ANK3: variants seen among roughly 807,000 people sequenced by gnomAD.
ANK3 encodes ankyrin 3, also known as ankyrin-3.
A neutral mutation model predicts 370.9 loss-of-function variants in ANK3; 57 were observed. The ratio of observed to expected loss-of-function variants is 0.15; its 90% confidence interval spans 0.12 to 0.19. The LOEUF (loss-of-function observed/expected upper bound fraction) is 0.19, where lower values mean the gene tolerates loss of function less well. ANK3 is among the 10% of genes least tolerant of loss of function. The probability of loss-of-function intolerance (pLI) is 1.00; values close to 1 mark genes in which losing one functional copy is unlikely to be tolerated. For missense variants in ANK3, 4,439 were observed against 5,302.1 expected, an observed-to-expected ratio of 0.84 and a Z score of 5.06; for synonymous variants, 1,929 against 1,946.3, an observed-to-expected ratio of 0.99 and a Z score of 0.23.
chr10:60,122,458 C>G (rs2093539010), intron 25 of ANK3, among the ~76,000 whole-genome samples: 1 of 152,246 alleles, frequency 6.6e-6, no homozygotes, highest in Non-Finnish European at 1.5e-5. Flanking sequence ...CAGTCCTCGC[C>G]TGGCCTCCAT....
chr10:60,238,013 TA>T (rs1442052849), intron 7 of ANK3, among the ~76,000 whole-genome samples: 1 of 152,140 alleles, frequency 6.6e-6, no homozygotes, highest in Non-Finnish European at 1.5e-5. Context: ...GACGTTTGTT[TA>T]AAAACCCTAG....
At chr10:60,112,928 AT>A (rs1201208257) in intron 26 of ANK3, among the ~76,000 whole-genome samples, 14 of 152,232 alleles carry the variant, frequency 9.2e-5, no homozygotes, top group African/African-American at 3.4e-4. Flanking sequence ...CTAAATGCCA[AT>A]TTCAAAGGCA....
chr10:60,053,617 C>G lies in ANK3; in HGVS notation c.13065+2041G>C, dbSNP rs908087457. On this transcript the variant is annotated intron_variant, in intron 42 of 43. Transcript: ENST00000280772. ...AAACAAGGAAACCAAATGGAATTTTCTCAGTACTCTTTGCCATGGGTTGCT... is the reference window on the plus strand; with the variant it reads ...AAACAAGGAAACCAAATGGAATTTTGTCAGTACTCTTTGCCATGGGTTGCT... The G allele has an allele frequency of 5.6e-6, 7 of 1,239,448 alleles. No homozygotes were observed. In the East Asian group the frequency reaches 4.2e-4, roughly 74 times the overall value. The allele number at this position is 1,239,448 out of a possible 1,614,324, so 76.8% of individuals were successfully genotyped here.
intron 2 of ANK3, among the ~76,000 whole-genome samples, chr10:60,476,241 C>A (rs1210882000): frequency 2.0e-5 from 3 of 152,030 alleles, no homozygotes; most frequent in Non-Finnish European, 4.4e-5. Flanking sequence ...AAATCATGTT[C>A]ATAATGAAGG....
Position 60,573,361 on chromosome 10 carries a change from TACCAACCA to T in ANK3, c.96+41817_96+41824del, listed in dbSNP as rs200827585. Among the ~76,000 whole-genome samples, 864 of 152,160 alleles carry T rather than the reference TACCAACCA, an allele frequency of 5.7e-3. 4 individuals are homozygous for T. Among genetic ancestry groups the T allele is most frequent in the Middle Eastern group, 0.01 (3 of 292 alleles). The stretch of plus-strand genomic sequence containing the variant: ...AATCATTGGTTTCCTTCCATGAATA[TACCAACCA>T]ACCAACCAACCAACTAACAAGAAAC... On this transcript the variant is annotated intron_variant, in intron 2 of 43. Coordinates refer to the ANK3 transcript ENST00000373827.
intron 42 of ANK3, among the ~76,000 whole-genome samples, chr10:60,052,632 G>T (rs1016665757): frequency 6.6e-6 from 1 of 152,160 alleles, no homozygotes; most frequent in African/African-American, 2.4e-5. Flanking sequence ...TTCATAATTT[G>T]AAGGGGAAAA....
At chr10:60,713,485 TGAA>T (rs1471760962) in intron 1 of ANK3, among the ~76,000 whole-genome samples, 1 of 152,048 alleles carries the variant, frequency 6.6e-6, no homozygotes, top group Non-Finnish European at 1.5e-5. Context: ...TTTATAGTAT[TGAA>T]GAAATATATC....
chr10:60,341,226 A>G (rs897025227), intron 1 of ANK3, among the ~76,000 whole-genome samples: 4 of 152,186 alleles, frequency 2.6e-5, no homozygotes, highest in Non-Finnish European at 5.9e-5. Context: ...AAAGTATAAA[A>G]AATGAATCAA....
chr10:60,444,564 A>G (rs1262440359), intron 2 of ANK3, among the ~76,000 whole-genome samples: 1 of 151,946 alleles, frequency 6.6e-6, no homozygotes, highest in Non-Finnish European at 1.5e-5. Flanking sequence ...CTGCCTTTTA[A>G]TTTCTTTTAA....
At chr10:60,086,632 A>G (rs368417960) in intron 30 of ANK3, 45 bp downstream of exon 30, 32 of 1,498,642 alleles carry the variant, frequency 2.1e-5, no homozygotes, top group Non-Finnish European at 2.9e-5. Flanking sequence ...CTTTGTACAC[A>G]ATCTTTGTGA....
At chr10:60,651,111 T>G (rs2078783167) in intron 1 of ANK3, among the ~76,000 whole-genome samples, 1 of 152,192 alleles carries the variant, frequency 6.6e-6, no homozygotes, top group South Asian at 2.1e-4. Context: ...ATATAGATAT[T>G]GTTTTATATA....
rs1294663935 is a variant in ANK3, at chr10:60,029,118, TG to T, written c.*727del. On this transcript the variant is annotated 3_prime_UTR_variant, in exon 44 of 44. Coordinates refer to ENST00000280772, the MANE Select transcript of ANK3 (RefSeq NM_020987.5). The stretch of plus-strand genomic sequence containing the variant: ...AAATTTGCAGCAGATTTTAAAGATT[TG>T]TTTTTTTTTAAAATCAAGCTAGCAG... 1 of 152,580 alleles carries T rather than the reference TG, an allele frequency of 6.6e-6. No homozygotes were observed. The highest frequency in any genetic ancestry group is 1.5e-5 in the Non-Finnish European group (1 of 68,032). The allele number at this position is 152,580 out of a possible 1,614,324, so 9.5% of individuals were successfully genotyped here.
chr10:60,420,306 C>T (rs1202477962), intron 2 of ANK3, among the ~76,000 whole-genome samples: 1 of 152,128 alleles, frequency 6.6e-6, no homozygotes, highest in Non-Finnish European at 1.5e-5. Context: ...GTACTATTCA[C>T]TAGCTCTTTA....
intron 2 of ANK3, among the ~76,000 whole-genome samples, chr10:60,557,300 A>G (rs1469725192): frequency 6.6e-6 from 1 of 152,244 alleles, no homozygotes; most frequent in Non-Finnish European, 1.5e-5. Flanking sequence ...AATATTATTC[A>G]GCTAAAAAAA....
chr10:60,153,071 CTCA>C (rs1333555527), intron 23 of ANK3, among the ~76,000 whole-genome samples: 9 of 152,142 alleles, frequency 5.9e-5, no homozygotes, highest in African/African-American at 2.2e-4. Flanking sequence ...AACCCACATT[CTCA>C]TCAACAGTAG....
At chr10:60,724,035 C>A (rs1353189511) in intron 1 of ANK3, among the ~76,000 whole-genome samples, 1 of 137,870 alleles carries the variant, frequency 7.3e-6, no homozygotes, top group Non-Finnish European at 1.6e-5. Flanking sequence ...ACGGTGAAAC[C>A]CCGTCTCTAC....
intron 1 of ANK3, among the ~76,000 whole-genome samples, chr10:60,710,277 G>A (rs185097564): frequency 6.2e-4 from 95 of 152,248 alleles, no homozygotes; most frequent in African/African-American, 2.2e-3. Flanking sequence ...GTAGCAACAG[G>A]AAATGACTAC....
In ANK3 at chr10:60,166,623, C is replaced by A; in HGVS notation, c.2582G>T (p.Ser861Ile). 6.2e-7 allele frequency: 1 copy of A among 1,613,818 alleles called. No homozygotes were observed. Among genetic ancestry groups the A allele is most frequent in the Non-Finnish European group, 8.5e-7 (1 of 1,179,850 alleles). Reference sequence around the variant, plus strand: ...AACATCTGAGATATATTCGCCATCACTGAGCATTTCAGGGGCATTGGCTTT... The same window carrying A: ...AACATCTGAGATATATTCGCCATCAATGAGCATTTCAGGGGCATTGGCTTT... The part of the protein sequence containing the change: ...VRKANAPEML[S>I]DGEYISDVEE... The change falls in exon 23 of 44, where the codon AGT (serine) becomes ATT (isoleucine). Residue 861 changes from serine to isoleucine, a missense_variant. Ser to Ile is a moderately radical substitution (Grantham distance 142). Transcript: ENST00000280772.
Position 60,480,881 on chromosome 10 carries a change from G to T in ANK3, c.96+134305C>A, listed in dbSNP as rs553455363. On this transcript the variant is annotated intron_variant, in intron 2 of 43. Coordinates refer to the ANK3 transcript ENST00000373827. ...CAGCAAATTGCTAACAAAAGTTTTG[G>T]ATCCTTTCATGCATCATTATAGATT... Among the ~76,000 whole-genome samples the T allele has an allele frequency of 1.2e-3, 190 of 152,198 alleles. 1 individual carries two copies. The highest frequency in any genetic ancestry group is 4.5e-3 in the African/African-American group (188 of 41,544).
Sources: gnomAD v4.1 joint callset for allele counts (sites outside exome capture counted in the v4.1 genomes callset) on GRCh38, gnomAD v4.1.1 for gene constraint, MANE v1.5 for transcripts, NCBI Gene and HGNC (gene_info 2026-07-23, HGNC 2026-07-21) for gene names.